Variants in DLGAP2 observed in about 807,000 individuals in gnomAD.
The protein encoded by DLGAP2 is DLG associated protein 2, also known as disks large-associated protein 2.
In DLGAP2, 26 loss-of-function variants were observed where a neutral mutation model predicts 100.3. The observed-to-expected ratio is 0.26, with a 90% CI of 0.19 to 0.36. The LOEUF is 0.36. Among genes scored for constraint, DLGAP2 ranks in the 10% least tolerant of loss-of-function variants. The probability of loss-of-function intolerance (pLI) is 1.00; values close to 1 mark genes in which losing one functional copy is unlikely to be tolerated. For missense variants in DLGAP2, 1,858 were observed against 1,453.2 expected (o/e 1.28, Z -4.53); for synonymous variants, 886 against 630.1 (o/e 1.41, Z -6.08).
rs563447327 is a variant in DLGAP2, at chr8:1,544,713, T to G, written c.173-3913T>G. Among the ~76,000 whole-genome samples the G allele has an allele frequency of 4.0e-5, 6 of 151,214 alleles. No individual in the cohort carries two copies. The South Asian group carries it at 6.3e-4, about 16-fold the overall frequency. On this transcript the variant is annotated intron_variant, in intron 4 of 14. Transcript: ENST00000637795. ...AATTCTCCTCATATGCTGCTATATT[T>G]GATTTGCTAGTATTTTTGAGGATTT...
chr8:1,366,267 C>T (rs1221833733), intron 3 of DLGAP2, among the ~76,000 whole-genome samples: 1 of 152,120 alleles, frequency 6.6e-6, no homozygotes, highest in Non-Finnish European at 1.5e-5. Context: ...CATTTATCAC[C>T]CATTTGTACT....
At chr8:1,144,188 C>G (rs774627476) in intron 2 of DLGAP2, among the ~76,000 whole-genome samples, 1 of 152,168 alleles carries the variant, frequency 6.6e-6, no homozygotes, top group Non-Finnish European at 1.5e-5. Flanking sequence ...CCAGCGGGCG[C>G]GTTTTCACCG....
chr8:1,332,303 AGT>A (rs200944876), intron 3 of DLGAP2, among the ~76,000 whole-genome samples: 11 of 151,052 alleles, frequency 7.3e-5, no homozygotes, highest in South Asian at 2.1e-4. Flanking sequence ...CACGTGTGTC[AGT>A]GTGTGTGTGT....
intron 4 of DLGAP2, among the ~76,000 whole-genome samples, chr8:1,544,342 C>T (rs1384182764): frequency 2.6e-5 from 4 of 152,134 alleles, no homozygotes; most frequent in African/African-American, 4.8e-5. Context: ...TATTTTGCTC[C>T]TGTAACCTGC....
At chr8:1,336,818 T>A (rs1362827223) in intron 3 of DLGAP2, among the ~76,000 whole-genome samples, 1 of 149,416 alleles carries the variant, frequency 6.7e-6, no homozygotes, top group African/African-American at 2.4e-5. Flanking sequence ...ATTTAATACA[T>A]ACACACATTT....
intron 1 of DLGAP2, among the ~76,000 whole-genome samples, chr8:823,860 G>A (rs1027008894): frequency 2.0e-5 from 3 of 152,122 alleles, no homozygotes; most frequent in Non-Finnish European, 2.9e-5. Context: ...CCATCCACCC[G>A]GGCTGTCCTC....
chr8:834,675 T>A (rs901176771), intron 1 of DLGAP2, among the ~76,000 whole-genome samples: 6 of 152,086 alleles, frequency 3.9e-5, no homozygotes, highest in African/African-American at 1.4e-4. Context: ...TCCTTGTTGT[T>A]AGGGAGGAGG....
At chr8:1,440,777 A>G (rs1467585765) in intron 3 of DLGAP2, among the ~76,000 whole-genome samples, 2 of 152,200 alleles carry the variant, frequency 1.3e-5, no homozygotes, top group African/African-American at 4.8e-5. Context: ...GAACCTGCAG[A>G]TGAGGCTGGG....
In DLGAP2 at chr8:1,491,246, G is replaced by C. The variant is rs546120059; in HGVS notation, c.107-10120G>C. Among the ~76,000 whole-genome samples, 14 of 152,222 alleles carry C rather than the reference G, an allele frequency of 9.2e-5. No individual in the cohort carries two copies. The South Asian group carries it at 2.5e-3, about 27-fold the overall frequency. On this transcript the variant is annotated intron_variant, in intron 3 of 14. Coordinates refer to ENST00000637795, the MANE Select transcript of DLGAP2 (RefSeq NM_001346810.2). ...TTTCTCTGAAATTCACATGTAACTG[G>C]CGTCCCAGGTTGCCTGGCAGCCCTG...
chr8:1,593,845 C>T (rs1023329170), intron 6 of DLGAP2, among the ~76,000 whole-genome samples: 10 of 152,200 alleles, frequency 6.6e-5, no homozygotes, highest in Middle Eastern at 3.2e-3. Flanking sequence ...ACAAGAACTC[C>T]ATCTCTCAGC....
intron 2 of DLGAP2, among the ~76,000 whole-genome samples, chr8:1,003,627 T>C (rs1326422372): frequency 1.3e-5 from 2 of 152,200 alleles, no homozygotes; most frequent in Admixed American, 1.3e-4. Flanking sequence ...TTCTGCTCTG[T>C]GATGTGAGCT....
intron 2 of DLGAP2, among the ~76,000 whole-genome samples, chr8:1,025,718 A>T (rs1563151394): frequency 6.6e-6 from 1 of 152,278 alleles, no homozygotes; most frequent in East Asian, 1.9e-4. Context: ...GTTATTTGAA[A>T]GAAGCAAAAG....
rs1029602005 is a variant in DLGAP2 at position 1,241,378 on chromosome 8, C to T, written c.74-17473C>T. Among the ~76,000 whole-genome samples, 129 of 151,414 alleles carry T rather than the reference C, an allele frequency of 8.5e-4. 1 individual carries two copies. Among genetic ancestry groups the T allele is most frequent in the African/African-American group, 2.9e-3 (119 of 40,852 alleles). ...CGTGTCTAGTTCTCTCACATGGCGCCGTGTCTAGTTCTCTGTCACATGGCC... is the reference window on the plus strand; with the variant it reads ...CGTGTCTAGTTCTCTCACATGGCGCTGTGTCTAGTTCTCTGTCACATGGCC... On this transcript the variant is annotated intron_variant, in intron 2 of 14. Transcript: ENST00000637795.
At chr8:1,245,998 C>G (rs960422966) in intron 2 of DLGAP2, among the ~76,000 whole-genome samples, 1 of 152,170 alleles carries the variant, frequency 6.6e-6, no homozygotes, top group Non-Finnish European at 1.5e-5. Flanking sequence ...AGGAAGAACT[C>G]TTTCTACTTC....
In DLGAP2 at chr8:1,224,863, C is replaced by T. The variant is rs754421971; in HGVS notation, c.74-33988C>T. Reference sequence around the variant, plus strand: ...AAAACTATGAGTCCCTGGGGAGATGCGAGTCAAAACCGCAGTGAACTGCTC... The same window carrying T: ...AAAACTATGAGTCCCTGGGGAGATGTGAGTCAAAACCGCAGTGAACTGCTC... On this transcript the variant is annotated intron_variant, in intron 2 of 14. Coordinates refer to ENST00000637795, the MANE Select transcript of DLGAP2 (RefSeq NM_001346810.2). Among the ~76,000 whole-genome samples, 6 of 152,190 alleles carry T rather than the reference C, an allele frequency of 3.9e-5. 1 individual carries two copies. The highest frequency in any genetic ancestry group is 9.7e-5 in the African/African-American group (4 of 41,438).
intron 8 of DLGAP2, among the ~76,000 whole-genome samples, chr8:1,642,310 C>A (rs868868122): frequency 0.01 from 170 of 16,668 alleles, no homozygotes; most frequent in South Asian, 0.056. Flanking sequence ...TCACCCTCGA[C>A]CCCGCCGGCC....
At chr8:948,570 GA>G (rs1799392292) in intron 2 of DLGAP2, among the ~76,000 whole-genome samples, 1 of 152,254 alleles carries the variant, frequency 6.6e-6, no homozygotes, top group Non-Finnish European at 1.5e-5. Context: ...GAGTGCAGAG[GA>G]AGGAGGTGAA....
chr8:1,494,499 G>C (rs572130538), intron 3 of DLGAP2, among the ~76,000 whole-genome samples: 143 of 152,316 alleles, frequency 9.4e-4, no homozygotes, highest in Middle Eastern at 3.4e-3. Flanking sequence ...GGGAGGCCAA[G>C]GTGGGTGGAT....
intron 2 of DLGAP2, among the ~76,000 whole-genome samples, chr8:1,211,800 G>C (rs890229930): frequency 6.6e-6 from 1 of 152,204 alleles, no homozygotes; most frequent in African/African-American, 2.4e-5. Context: ...GCTTGAACCC[G>C]GGAGGTGGAG....
Sources: gnomAD v4.1 joint callset for allele counts (sites outside exome capture counted in the v4.1 genomes callset) on GRCh38, gnomAD v4.1.1 for gene constraint, MANE v1.5 for transcripts, NCBI Gene and HGNC (gene_info 2026-07-23, HGNC 2026-07-21) for gene names.